Variants in MGAT5 observed in about 807,000 individuals in gnomAD.
The protein encoded by MGAT5 is alpha-1,6-mannosylglycoprotein 6-beta-N-acetylglucosaminyltransferase A.
In MGAT5, 30 loss-of-function variants were observed where a neutral mutation model predicts 94.3. That is an observed-to-expected ratio of 0.32 (90% CI 0.24 to 0.43). The LOEUF is 0.43. MGAT5 is among the 20% of genes least tolerant of loss of function. The pLI is 1.00. For missense variants in MGAT5, 691 were observed against 905.5 expected (o/e 0.76, Z 3.04); for synonymous variants, 310 against 322.9 (o/e 0.96, Z 0.43).
At chr2:134,160,427 C>G (rs1177447730) in intron 1 of MGAT5, among the ~76,000 whole-genome samples, 1 of 152,248 alleles carries the variant, frequency 6.6e-6, no homozygotes, top group Non-Finnish European at 1.5e-5. Context: ...CTGCCTCGGC[C>G]TCCCAAAGTG....
chr2:134,222,237 C>T (rs771215167), intron 1 of MGAT5, among the ~76,000 whole-genome samples: 15 of 152,008 alleles, frequency 9.9e-5, no homozygotes, highest in Non-Finnish European at 1.5e-4. Context: ...ATAACATTTA[C>T]AAGGAATGTC....
intron 2 of MGAT5, among the ~76,000 whole-genome samples, chr2:134,289,525 G>A (rs372004276): frequency 3.3e-5 from 5 of 152,314 alleles, no homozygotes; most frequent in Middle Eastern, 3.4e-3. Context: ...AGTTGTCAGC[G>A]TAGCAGGCCT....
At chr2:134,205,330 A>G (rs570021978) in intron 1 of MGAT5, among the ~76,000 whole-genome samples, 3 of 152,220 alleles carry the variant, frequency 2.0e-5, no homozygotes, top group Admixed American at 6.5e-5. Context: ...GCCTATTGCT[A>G]TAATGTGGGT....
chr2:134,231,154 T>A (rs1367607610), intron 1 of MGAT5: 1 of 151,840 alleles, frequency 6.6e-6, no homozygotes, highest in African/African-American at 2.4e-5. Context: ...AGCTAAAGGG[T>A]GTGGGTTTCT....
chr2:134,413,203 C>G (rs2106331411), intron 12 of MGAT5, among the ~76,000 whole-genome samples, 188 bp downstream of exon 12: 1 of 152,250 alleles, frequency 6.6e-6, no homozygotes, highest in Non-Finnish European at 1.5e-5. Context: ...CTACTTCTGC[C>G]TTCACCAAGT....
At chr2:134,328,982 T>C (rs1687796885) in intron 4 of MGAT5, among the ~76,000 whole-genome samples, 1 of 152,002 alleles carries the variant, frequency 6.6e-6, no homozygotes, top group Non-Finnish European at 1.5e-5. Flanking sequence ...CCAGATAAAA[T>C]ACATTACAGC....
At chr2:134,380,500 T>A (rs1681471260) in intron 10 of MGAT5, among the ~76,000 whole-genome samples, 1 of 152,154 alleles carries the variant, frequency 6.6e-6, no homozygotes, top group South Asian at 2.1e-4. Context: ...AGGCAGACCC[T>A]CTCCCTCTCC....
At chr2:134,255,017 G>T (rs1316831960) in intron 1 of MGAT5, among the ~76,000 whole-genome samples, 2 of 152,154 alleles carry the variant, frequency 1.3e-5, no homozygotes, top group East Asian at 3.8e-4. Flanking sequence ...AATTAAGGCT[G>T]GTGGGGGTGA....
intron 15 of MGAT5, among the ~76,000 whole-genome samples, chr2:134,445,250 G>C (rs1479072721): frequency 6.6e-6 from 1 of 152,126 alleles, no homozygotes; most frequent in Non-Finnish European, 1.5e-5. Context: ...ATCAGGCAGG[G>C]CCAAGGGCAG....
intron 1 of MGAT5, among the ~76,000 whole-genome samples, chr2:134,225,549 A>G (rs1183496208): frequency 6.6e-6 from 1 of 152,214 alleles, no homozygotes; most frequent in Non-Finnish European, 1.5e-5. Context: ...TTATATATCC[A>G]TATGTCAGTA....
At chr2:134,430,518 TGAAGGAAG>T (rs1286047045) in intron 14 of MGAT5, among the ~76,000 whole-genome samples, 2 of 152,014 alleles carry the variant, frequency 1.3e-5, no homozygotes, top group South Asian at 2.1e-4. Context: ...ACAGAAACAA[TGAAGGAAG>T]GAAGGGAGGA....
chr2:134,427,621 G>A (rs1220200126), intron 13 of MGAT5, among the ~76,000 whole-genome samples: 1 of 152,130 alleles, frequency 6.6e-6, no homozygotes, highest in Non-Finnish European at 1.5e-5. Context: ...GTCCTTTCAT[G>A]TTAAAGACCA....
rs77135500 is a variant in MGAT5, at chr2:134,336,560, T to C, written c.645+272T>C. Among the ~76,000 whole-genome samples, 5 of 152,212 alleles carry C rather than the reference T, an allele frequency of 3.3e-5. No individual in the cohort carries two copies. The East Asian group carries it at 9.7e-4, about 30-fold the overall frequency. On this transcript the variant is annotated intron_variant, in intron 5 of 15. Coordinates refer to ENST00000281923, the MANE Select transcript of MGAT5 (RefSeq NM_002410.5). ...GCTGTGGAGGCCCTTAGTGATCTAA[T>C]AAGGCTGATGGCAAATAATGACCAT...
At chr2:134,325,130 ATGT>A (rs1687566997) in intron 4 of MGAT5, among the ~76,000 whole-genome samples, 1 of 151,976 alleles carries the variant, frequency 6.6e-6, no homozygotes, top group South Asian at 2.1e-4. Flanking sequence ...CTGTTTATGA[ATGT>A]TATATACCAC....
intron 10 of MGAT5, among the ~76,000 whole-genome samples, chr2:134,374,475 T>C (rs907933395): frequency 1.3e-5 from 2 of 152,208 alleles, no homozygotes; most frequent in Non-Finnish European, 2.9e-5. Context: ...GAATATTTGT[T>C]GGAAGCAGAT....
At chr2:134,182,131 T>C (rs1317137750) in intron 1 of MGAT5, among the ~76,000 whole-genome samples, 3 of 152,152 alleles carry the variant, frequency 2.0e-5, no homozygotes, top group Non-Finnish European at 4.4e-5. Context: ...GAAATAACTT[T>C]AAAATTGACA....
At chr2:134,215,623 A>G (rs1680453828) in intron 1 of MGAT5, among the ~76,000 whole-genome samples, 2 of 152,204 alleles carry the variant, frequency 1.3e-5, no homozygotes, top group African/African-American at 2.4e-5. Context: ...CCTATTCATG[A>G]GGGATCCGGC....
chr2:134,338,184 G>A, intron 5 of MGAT5, 75 bp from the exon 6 acceptor site: 1 of 1,263,976 alleles, frequency 7.9e-7, no homozygotes, highest in Non-Finnish European at 1.1e-6. Context: ...TAAGTTTTCA[G>A]ATGTCACATC....
intron 1 of MGAT5, among the ~76,000 whole-genome samples, chr2:134,245,170 G>A (rs539827803): frequency 2.6e-5 from 4 of 152,082 alleles, no homozygotes; most frequent in East Asian, 1.9e-4. Flanking sequence ...CTGCCACCAC[G>A]CCCGGCTAAT....
Sources: gnomAD v4.1 joint callset for allele counts (sites outside exome capture counted in the v4.1 genomes callset) on GRCh38, gnomAD v4.1.1 for gene constraint, MANE v1.5 for transcripts, NCBI Gene and HGNC (gene_info 2026-07-23, HGNC 2026-07-21) for gene names.